Variants in UBAP1 observed in about 807,000 individuals in gnomAD.
UBAP1 encodes the protein ubiquitin associated protein 1.
Under a neutral mutation model 39.0 loss-of-function variants are expected in UBAP1, and 5 were observed. The ratio of observed to expected loss-of-function variants is 0.13; its 90% CI spans 0.07 to 0.27. The LOEUF is 0.27. Among genes scored for constraint, UBAP1 ranks in the 10% least tolerant of loss-of-function variants. UBAP1 has a pLI of 1.00. For synonymous variants in UBAP1, 211 were observed against 225.1 expected, an observed-to-expected ratio of 0.94 and a Z score of 0.56; for missense variants, 490 against 608.1, an observed-to-expected ratio of 0.81 and a Z score of 2.04.
intron 2 of UBAP1, among the ~76,000 whole-genome samples, chr9:34,232,867 G>T (rs1285160213): frequency 1.3e-5 from 2 of 152,162 alleles, no homozygotes; most frequent in African/African-American, 4.8e-5. Context: ...GTATTTCATT[G>T]TCCACAATGG....
chr9:34,214,445 A>G (rs149480008), intron 1 of UBAP1, among the ~76,000 whole-genome samples: 4 of 152,270 alleles, frequency 2.6e-5, no homozygotes, highest in East Asian at 3.9e-4. Flanking sequence ...TAACAATAGC[A>G]CTGGGATAAT....
At chr9:34,227,645 A>G (rs1227946815) in intron 2 of UBAP1, among the ~76,000 whole-genome samples, 3 of 152,196 alleles carry the variant, frequency 2.0e-5, no homozygotes, top group Non-Finnish European at 4.4e-5. Context: ...CCCACTCACT[A>G]TCTTCCACCA....
intron 1 of UBAP1, among the ~76,000 whole-genome samples, chr9:34,208,627 A>C (rs1418198243): frequency 6.6e-6 from 1 of 151,974 alleles, no homozygotes. Context: ...AATACAAAAA[A>C]ATTAGCCGGA....
intron 1 of UBAP1, among the ~76,000 whole-genome samples, chr9:34,185,239 A>C (rs536139433): frequency 4.6e-5 from 7 of 152,136 alleles, no homozygotes; most frequent in Non-Finnish European, 1.0e-4. Flanking sequence ...CGGCCCTGTT[A>C]AAACACTTTA....
chr9:34,188,423 CTTTTTTTTT>C (rs34942688), intron 1 of UBAP1, among the ~76,000 whole-genome samples: 2 of 117,208 alleles, frequency 1.7e-5, no homozygotes, highest in Non-Finnish European at 3.4e-5. Context: ...TAGTCTTCAG[CTTTTTTTTT>C]TTTTTTTTTT....
chr9:34,251,650 C>G lies in UBAP1; in HGVS notation c.*118C>G, dbSNP rs1321471281. 1 of 1,208,500 alleles carries G rather than the reference C, an allele frequency of 8.3e-7. No homozygotes were observed. Among genetic ancestry groups the G allele is most frequent in the East Asian group, 2.5e-5 (1 of 39,418 alleles). The allele number at this position is 1,208,500 out of a possible 1,614,324, so 74.9% of individuals were successfully genotyped here. On this transcript the variant is annotated 3_prime_UTR_variant, in exon 7 of 7. Coordinates refer to ENST00000297661, the MANE Select transcript of UBAP1 (RefSeq NM_016525.5). ...GATTTTCTTTTGGGGGTTAGAAGGTCAGGTGTGGAGACTGCTCGCCAGTCT... is the reference window on the plus strand; with the variant it reads ...GATTTTCTTTTGGGGGTTAGAAGGTGAGGTGTGGAGACTGCTCGCCAGTCT...
At chr9:34,189,541 G>A (rs1830603614) in intron 1 of UBAP1, among the ~76,000 whole-genome samples, 1 of 152,066 alleles carries the variant, frequency 6.6e-6, no homozygotes, top group South Asian at 2.1e-4. Flanking sequence ...GGCTGCATGG[G>A]TGGAATTCAA....
In UBAP1 at chr9:34,181,116, C is replaced by CTTTTTCTTT. The variant is rs1554644658; in HGVS notation, c.-8+1881_-8+1882insCTTTTTTTT. 6.9e-5 allele frequency among the ~76,000 whole-genome samples: 5 copies of CTTTTTCTTT among 72,274 alleles called. 1 individual carries two copies. Among genetic ancestry groups the CTTTTTCTTT allele is most frequent in the Admixed American group, 1.9e-4 (1 of 5,156 alleles). 47.4% of individuals were successfully genotyped at this position (72,274 alleles called of 152,430 possible). ...TGAGCCACCGCACCCGGCCTGTTTT[C>CTTTTTCTTT]TTTTTTTTTTTTTTTTTGAGACAGA... On this transcript the variant is annotated intron_variant, in intron 1 of 6. Coordinates refer to ENST00000297661, the MANE Select transcript of UBAP1 (RefSeq NM_016525.5).
Position 34,179,203 on chromosome 9 carries a change from C to A in UBAP1, c.-45C>A. 1 of 1,202,230 alleles carries A rather than the reference C, an allele frequency of 8.3e-7. No individual in the cohort carries two copies. The highest frequency in any genetic ancestry group is 1.0e-6 in the Non-Finnish European group (1 of 967,878). 74.5% of individuals were successfully genotyped at this position (1,202,230 alleles called of 1,614,324 possible). A position where few individuals can be genotyped will look rare whatever the true frequency, so the allele number is the denominator to read the frequency against. On this transcript the variant is annotated 5_prime_UTR_variant, in exon 1 of 7. Coordinates refer to ENST00000297661, the MANE Select transcript of UBAP1 (RefSeq NM_016525.5). ...CTGGGAGGCCGGCCGGTGCCAGCAC[C>A]TTTCGGCTTCTGAGACGGCGGCAGC...
At chr9:34,221,039 T>C (rs1832727508) in intron 2 of UBAP1, 91 bp downstream of exon 2, 2 of 1,145,006 alleles carry the variant, frequency 1.7e-6, no homozygotes, top group Non-Finnish European at 2.6e-6. Flanking sequence ...AGTGCCCCTT[T>C]TTGTCTCTTT....
intron 1 of UBAP1, among the ~76,000 whole-genome samples, chr9:34,199,919 T>A (rs1404257711): frequency 6.6e-6 from 1 of 151,916 alleles, no homozygotes; most frequent in African/African-American, 2.4e-5. Flanking sequence ...GTACTGAGAT[T>A]ACAGGTGTGA....
At chr9:34,199,637 T>TC (rs1491111148) in intron 1 of UBAP1, among the ~76,000 whole-genome samples, 2 of 151,400 alleles carry the variant, frequency 1.3e-5, no homozygotes, top group Non-Finnish European at 2.9e-5. Flanking sequence ...CTTTTTTTTT[T>TC]CTCTCTCTTT....
At chr9:34,228,357 G>T (rs1190564346) in intron 2 of UBAP1, among the ~76,000 whole-genome samples, 8 of 149,998 alleles carry the variant, frequency 5.3e-5, no homozygotes, top group Admixed American at 5.3e-4. Context: ...GGCGGAGCTT[G>T]CAGTGAGCCG....
intron 1 of UBAP1, among the ~76,000 whole-genome samples, chr9:34,202,664 TGTGTGTGTGTGTGTCCCC>T (rs1260812515): frequency 7.0e-6 from 1 of 143,136 alleles, no homozygotes; most frequent in Non-Finnish European, 1.6e-5. Flanking sequence ...TGTGTGTGTG[TGTGTGTGTGTGTGTCCCC>T]GTCCCCGTAT....
chr9:34,202,332 A>G (rs569779233), intron 1 of UBAP1, among the ~76,000 whole-genome samples: 2 of 152,126 alleles, frequency 1.3e-5, no homozygotes, highest in East Asian at 1.9e-4. Context: ...GGGTTTTACC[A>G]TGTTGGTAAG....
Position 34,250,669 on chromosome 9 carries a change from T to C in UBAP1, c.1278T>C (p.Tyr426=). 1 of 1,613,144 alleles carries C rather than the reference T, an allele frequency of 6.2e-7. No individual in the cohort carries two copies. Among genetic ancestry groups the C allele is most frequent in the East Asian group, 2.2e-5 (1 of 44,868 alleles). ...GTTTCTTTTCTTAGATTCTCGACTA[T>C]CTCTTTGCACATGGACAGCTTTGTG... ...KGENIEQILD[Y]LFAHGQLCEK... Residue 426 remains tyrosine (Y), a synonymous_variant, in exon 6 of 7, where the codon TAT becomes TAC. Coordinates refer to ENST00000297661, the MANE Select transcript of UBAP1 (RefSeq NM_016525.5).
chr9:34,183,651 A>C (rs1183522191), intron 1 of UBAP1, among the ~76,000 whole-genome samples: 1 of 152,004 alleles, frequency 6.6e-6, no homozygotes, highest in Non-Finnish European at 1.5e-5. Flanking sequence ...ACCTGGGTGT[A>C]GTTTCCCACA....
chr9:34,234,975 C>T lies in UBAP1; in HGVS notation c.159+635C>T, dbSNP rs78233453. ...ATGACAGCTCCATGCATGTATTGCT[C>T]CTGAAGACCATACAGTGAAACAAGA... On this transcript the variant is annotated intron_variant, in intron 3 of 6. Coordinates refer to ENST00000297661, the MANE Select transcript of UBAP1 (RefSeq NM_016525.5). Among the ~76,000 whole-genome samples the T allele has an allele frequency of 1.9e-3, 291 of 152,098 alleles. 1 individual carries two copies. Among genetic ancestry groups the T allele is most frequent in the African/African-American group, 6.8e-3 (283 of 41,478 alleles).
intron 1 of UBAP1, among the ~76,000 whole-genome samples, chr9:34,201,068 CA>C (rs1381493748): frequency 1.3e-5 from 2 of 152,086 alleles, no homozygotes; most frequent in Admixed American, 1.3e-4. Context: ...CATGCGCCAC[CA>C]TGCCTGCCTA....
Sources: allele counts gnomAD v4.1 joint callset (sites outside exome capture counted in the v4.1 genomes callset), GRCh38; gene constraint gnomAD v4.1.1; transcripts MANE v1.5; gene names NCBI Gene and HGNC (gene_info 2026-07-23, HGNC 2026-07-21).